The following EXD3 variants were observed in gnomAD, a reference collection of about 807,000 sequenced individuals.
The protein encoded by EXD3 is exonuclease 3'-5' domain containing 3.
In EXD3, 92 loss-of-function variants were observed where a neutral mutation model predicts 98.0. That is an observed-to-expected ratio of 0.94 (90% CI 0.79 to 1.12). The LOEUF (loss-of-function observed/expected upper bound fraction) is 1.12. Among genes scored for constraint, EXD3 ranks in the 50% most tolerant of loss-of-function variants. EXD3 has a pLI of 0.00. For missense variants in EXD3, 1,222 were observed against 1,191.6 expected, an observed-to-expected ratio of 1.03 and a Z score of -0.38; for synonymous variants, 569 against 526.0, an observed-to-expected ratio of 1.08 and a Z score of -1.12.
chr9:137,327,295 C>T (rs766241348), intron 17 of EXD3, among the ~76,000 whole-genome samples: 33 of 152,126 alleles, frequency 2.2e-4, no homozygotes, highest in Non-Finnish European at 3.7e-4. Context: ...CACCACGGCC[C>T]GCTGATATTT....
At chr9:137,415,839 T>C (rs993489831) in intron 1 of EXD3, among the ~76,000 whole-genome samples, 6 of 152,336 alleles carry the variant, frequency 3.9e-5, no homozygotes, top group Non-Finnish European at 8.8e-5. Flanking sequence ...CTTAATGGCA[T>C]GGGAAAGGGT....
intron 1 of EXD3, among the ~76,000 whole-genome samples, chr9:137,406,303 AAAAAG>A (rs148201227): frequency 1.3e-5 from 2 of 150,740 alleles, no homozygotes; most frequent in Admixed American, 6.6e-5. Context: ...AAAAAAAAAG[AAAAAG>A]AAAAGAAAAA....
In EXD3 at chr9:137,354,742, G is replaced by A. The variant is rs895080484; in HGVS notation, c.789C>T (p.Arg263=). 8.1e-6 allele frequency: 13 copies of A among 1,610,854 alleles called. No individual in the cohort carries two copies. Among genetic ancestry groups the A allele is most frequent in the Non-Finnish European group, 1.1e-5 (13 of 1,179,652 alleles). The change falls in exon 9 of 22, where the codon CGC becomes CGT. Residue 263 remains arginine (R), a synonymous_variant. Transcript: ENST00000340951. ...ALCPNAAIQQ[R]LAALRHLCHK... ...GGCACAGGTGCCGCAGGGCCGCCAG[G>A]CGCTGCTGAATGGCCGCGTTGGGAC...
At chr9:137,406,416 G>A (rs530275291) in intron 1 of EXD3, among the ~76,000 whole-genome samples, 2 of 152,202 alleles carry the variant, frequency 1.3e-5, no homozygotes, top group South Asian at 4.1e-4. Context: ...GTGCAGCCAG[G>A]GCGGGGTGAG....
rs111783960 is a variant in EXD3, at chr9:137,416,777, G to A, written c.-48+6337C>T. Among the ~76,000 whole-genome samples the A allele has an allele frequency of 2.6e-5, 4 of 152,086 alleles. 1 individual carries two copies. Among genetic ancestry groups the A allele is most frequent in the African/African-American group, 9.6e-5 (4 of 41,514 alleles). On this transcript the variant is annotated intron_variant, in intron 1 of 21. Coordinates refer to ENST00000340951, the MANE Select transcript of EXD3 (RefSeq NM_017820.5). ...GATCAACACCAAGGGTCGGTAGGCC[G>A]TCCCGCAGCCTAGCCTGGGGCTGTC...
At chr9:137,330,403 G>GACT in intron 17 of EXD3, among the ~76,000 whole-genome samples, 1 of 91,690 alleles carries the variant, frequency 1.1e-5, no homozygotes, top group Middle Eastern at 6.9e-3. Flanking sequence ...AGCTACACAG[G>GACT]GCTCCACAGG....
At chr9:137,328,485 A>ACGAACACCC (rs1336695260) in intron 17 of EXD3, among the ~76,000 whole-genome samples, 1 of 151,746 alleles carries the variant, frequency 6.6e-6, no homozygotes, top group Non-Finnish European at 1.5e-5. Context: ...AGTAAAAACA[A>ACGAACACCC]AAGTAAAAAC....
chr9:137,402,893 T>C (rs190171231), intron 1 of EXD3, among the ~76,000 whole-genome samples: 20 of 151,946 alleles, frequency 1.3e-4, no homozygotes, highest in African/African-American at 4.8e-4. Flanking sequence ...CAAGAGAAAA[T>C]GAGGAACCAA....
At chr9:137,315,573 G>A (rs967462030) in intron 19 of EXD3, among the ~76,000 whole-genome samples, 7 of 152,118 alleles carry the variant, frequency 4.6e-5, no homozygotes, top group African/African-American at 7.2e-5. Context: ...CCGAGGCCCC[G>A]GCACCGGGTC....
chr9:137,307,092 T>C lies in EXD3; in HGVS notation c.2489A>G (p.Tyr830Cys), dbSNP rs1831081224. Reference protein sequence around the residue: ...VLRTPGLRCFYCCTGCGKVFW... With the variant: ...VLRTPGLRCFCCCTGCGKVFW... ...GACCTTTCCACAGCCCGTGCAGCAG[T>C]AGAAGCACCGCAGCCCAGGTGTCCT... The change falls in exon 22 of 22, where the codon TAC (tyrosine) becomes TGC (cysteine). Residue 830 changes from tyrosine (Y) to cysteine (C), a missense_variant. Physicochemically the swap from Tyr to Cys is radical, Grantham distance 194. Coordinates refer to ENST00000340951, the MANE Select transcript of EXD3 (RefSeq NM_017820.5). 1 of 1,610,448 alleles carries C rather than the reference T, an allele frequency of 6.2e-7. No homozygotes were observed. Among genetic ancestry groups the C allele is most frequent in the Non-Finnish European group, 8.5e-7 (1 of 1,179,032 alleles).
At position 137,307,654 on chromosome 9, in the gene EXD3, T is replaced by C. The variant is rs746880230; in HGVS notation, c.2279-8A>G. 1 of 1,609,110 alleles carries C rather than the reference T, an allele frequency of 6.2e-7. No individual in the cohort carries two copies. Among genetic ancestry groups the C allele is most frequent in the Non-Finnish European group, 8.5e-7 (1 of 1,179,624 alleles). On this transcript the variant is annotated splice_polypyrimidine_tract_variant and splice_region_variant and intron_variant, in intron 20 of 21. Transcript: ENST00000340951. ...TCTGGGTGGCCTCGTCACCTGTCAG[T>C]CAAGGAAGAGAGCTGGTCCGGGACT...
intron 1 of EXD3, among the ~76,000 whole-genome samples, chr9:137,411,420 G>A (rs945017985): frequency 3.9e-5 from 6 of 152,016 alleles, no homozygotes; most frequent in Non-Finnish European, 7.4e-5. Flanking sequence ...GACACCCGGC[G>A]GCCTCCCAGG....
intron 1 of EXD3, among the ~76,000 whole-genome samples, chr9:137,402,424 A>G (rs1837519634): frequency 2.0e-5 from 3 of 152,162 alleles, no homozygotes; most frequent in Non-Finnish European, 4.4e-5. Context: ...AGTTCCATAA[A>G]TCTCTAGGAC....
chr9:137,310,296 T>C (rs1224601359), intron 19 of EXD3, among the ~76,000 whole-genome samples: 1 of 152,208 alleles, frequency 6.6e-6, no homozygotes, highest in Non-Finnish European at 1.5e-5. Flanking sequence ...CAGGCTGGAA[T>C]GTAGTGGCGC....
intron 2 of EXD3, 88 bp from the exon 3 acceptor site, chr9:137,383,465 G>C (rs966120273): frequency 2.0e-6 from 2 of 1,011,366 alleles, no homozygotes; most frequent in African/African-American, 1.7e-5. Flanking sequence ...CCACTGACCC[G>C]CAATGCCTGG....
chr9:137,331,240 G>A (rs1278705163), intron 17 of EXD3, among the ~76,000 whole-genome samples: 1 of 152,058 alleles, frequency 6.6e-6, no homozygotes, highest in Non-Finnish European at 1.5e-5. Context: ...AACTAGGCTT[G>A]GAAGGAACAT....
At chr9:137,308,142 A>G (rs1831147413) in intron 20 of EXD3, among the ~76,000 whole-genome samples, 1 of 152,122 alleles carries the variant, frequency 6.6e-6, no homozygotes, top group Non-Finnish European at 1.5e-5. Context: ...TTGAGAGCCC[A>G]GGGCAGGCAG....
chr9:137,351,877 G>A (rs1179174272), intron 12 of EXD3, among the ~76,000 whole-genome samples, 189 bp downstream of exon 12: 1 of 152,226 alleles, frequency 6.6e-6, no homozygotes, highest in Non-Finnish European at 1.5e-5. Flanking sequence ...GTAAATGCCA[G>A]CAGCCAGCAT....
intron 1 of EXD3, among the ~76,000 whole-genome samples, chr9:137,420,449 A>C (rs951056954): frequency 3.3e-5 from 5 of 152,214 alleles, no homozygotes; most frequent in African/African-American, 1.2e-4. Context: ...AGTTCTTTGC[A>C]TGAGTTCAGT....
Sources: gnomAD v4.1 joint callset for allele counts (sites outside exome capture counted in the v4.1 genomes callset) on GRCh38, gnomAD v4.1.1 for gene constraint, MANE v1.5 for transcripts, NCBI Gene and HGNC (gene_info 2026-07-23, HGNC 2026-07-21) for gene names.